The following SMOC2 variants were observed in gnomAD, a reference collection of about 807,000 sequenced individuals.
The protein encoded by SMOC2 is SPARC related modular calcium binding 2, also known as SPARC-related modular calcium-binding protein 2.
A neutral mutation model predicts 61.4 loss-of-function variants in SMOC2; 39 were observed. The observed-to-expected ratio is 0.64, with a 90% CI of 0.49 to 0.83. The LOEUF is 0.83. SMOC2 is among the 40% of genes least tolerant of loss of function. SMOC2 has a pLI of 0.00. For synonymous variants in SMOC2, 247 were observed against 239.9 expected (o/e 1.03, Z -0.27); for missense variants, 556 against 592.9 (o/e 0.94, Z 0.65).
rs762877929 is a variant in SMOC2, at chr6:168,664,181, T to C, written c.1323+70T>C. On this transcript the variant is annotated intron_variant, in intron 12 of 12. Transcript: ENST00000356284. ...TATAAACAATAAAAATTCAGAGTTA[T>C]GTAGATTTGCAATGGCCAGTACCTT... 6 of 1,314,076 alleles carry C rather than the reference T, an allele frequency of 4.6e-6. No homozygotes were observed. In the Admixed American group the frequency reaches 5.3e-5, roughly 12 times the overall value. 81.4% of individuals were successfully genotyped at this position (1,314,076 alleles called of 1,614,324 possible).
chr6:168,530,365 G>T (rs1266820195), intron 4 of SMOC2, among the ~76,000 whole-genome samples: 5 of 152,034 alleles, frequency 3.3e-5, no homozygotes, highest in South Asian at 2.1e-4. Context: ...TATTCTTAAA[G>T]CCATGAATGC....
In SMOC2 at chr6:168,545,334, G is replaced by T. The variant is rs942512574; in HGVS notation, c.511+1662G>T. ...GGAAAGAACACACCCCCCACTTTAG[G>T]CCGGAATACGCAGAGGGGATACCTG... On this transcript the variant is annotated intron_variant, in intron 5 of 12. Coordinates refer to ENST00000356284, the MANE Select transcript of SMOC2 (RefSeq NM_001166412.2). 4.6e-5 allele frequency among the ~76,000 whole-genome samples: 7 copies of T among 152,196 alleles called. No homozygotes were observed. The East Asian group carries it at 7.7e-4, about 17-fold the overall frequency.
chr6:168,623,723 G>A (rs12525350), intron 9 of SMOC2, among the ~76,000 whole-genome samples: 42,362 of 151,894 alleles, frequency 0.28, 6,102 homozygotes, highest in Admixed American at 0.39. Context: ...GATGCTGGGC[G>A]GAAGGATTGC....
intron 1 of SMOC2, among the ~76,000 whole-genome samples, chr6:168,474,616 C>T (rs981541907): frequency 2.8e-4 from 42 of 152,116 alleles, no homozygotes; most frequent in African/African-American, 8.4e-4. Flanking sequence ...CTGAAACCTC[C>T]GGAGACGTAT....
chr6:168,606,798 G>T (rs112670204), intron 8 of SMOC2, among the ~76,000 whole-genome samples: 1,613 of 152,136 alleles, frequency 0.011, 28 homozygotes, highest in African/African-American at 0.037. Context: ...CATTTTCCAA[G>T]GAGTCTTTCT....
At chr6:168,513,770 A>T (rs963642582) in intron 2 of SMOC2, among the ~76,000 whole-genome samples, 1 of 152,190 alleles carries the variant, frequency 6.6e-6, no homozygotes, top group Non-Finnish European at 1.5e-5. Context: ...TCGTCTCTTC[A>T]TTTGATTCAG....
chr6:168,629,981 T>G (rs60484814), intron 9 of SMOC2, among the ~76,000 whole-genome samples: 4,680 of 152,284 alleles, frequency 0.031, 266 homozygotes, highest in African/African-American at 0.11. Flanking sequence ...GAAGCACCAC[T>G]GTGCTGTGAG....
At chr6:168,563,299 GTA>G (rs1491046718) in intron 7 of SMOC2, among the ~76,000 whole-genome samples, 3 of 116,838 alleles carry the variant, frequency 2.6e-5, no homozygotes, top group African/African-American at 1.0e-4. Context: ...GTGTGTGTGT[GTA>G]TATATATGTG....
intron 2 of SMOC2, among the ~76,000 whole-genome samples, chr6:168,525,084 C>A (rs1288638268): frequency 6.6e-6 from 1 of 152,240 alleles, no homozygotes; most frequent in Non-Finnish European, 1.5e-5. Context: ...TCTCAAGATG[C>A]AGGCACTTGT....
intron 1 of SMOC2, among the ~76,000 whole-genome samples, chr6:168,497,986 T>G (rs1244109904): frequency 6.6e-6 from 1 of 152,188 alleles, no homozygotes; most frequent in Non-Finnish European, 1.5e-5. Flanking sequence ...TTTGTCGTAC[T>G]TTTAACTCAC....
chr6:168,465,655 T>C (rs993104617), intron 1 of SMOC2, among the ~76,000 whole-genome samples: 5 of 151,984 alleles, frequency 3.3e-5, no homozygotes, highest in Non-Finnish European at 5.9e-5. Context: ...CAGATGAAAC[T>C]GGGGAGCTCT....
At chr6:168,442,940 AG>A (rs1781250161) in intron 1 of SMOC2, among the ~76,000 whole-genome samples, 1 of 152,234 alleles carries the variant, frequency 6.6e-6, no homozygotes, top group Non-Finnish European at 1.5e-5. Context: ...GGGCCCTCAG[AG>A]GATACTCACT....
chr6:168,637,332 G>T (rs1786764692), intron 9 of SMOC2, among the ~76,000 whole-genome samples: 1 of 152,172 alleles, frequency 6.6e-6, no homozygotes, highest in Admixed American at 6.5e-5. Context: ...TGTGGGGAAG[G>T]TCATCACTGT....
At position 168,650,766 on chromosome 6, in the gene SMOC2, C is replaced by T; in HGVS notation, c.993C>T (p.Pro331=). The T allele has an allele frequency of 6.2e-7, 1 of 1,611,994 alleles. No individual in the cohort carries two copies. ...STDMVHAASD[P]SSSSGRLSEP... Reference sequence around the variant, plus strand: ...ACATGGTCCACGCCGCCTCCGACCCCTCCTCCTCGTCAGGCAGGTACGCTG... The same window carrying T: ...ACATGGTCCACGCCGCCTCCGACCCTTCCTCCTCGTCAGGCAGGTACGCTG... The change falls in exon 10 of 13, where the codon CCC becomes CCT. Residue 331 remains proline (P), a synonymous_variant. Transcript: ENST00000356284.
intron 1 of SMOC2, among the ~76,000 whole-genome samples, chr6:168,454,899 T>G (rs1042146641): frequency 2.6e-5 from 4 of 152,028 alleles, no homozygotes; most frequent in African/African-American, 9.7e-5. Flanking sequence ...CCGGGGTCCC[T>G]GTGGCCAGGG....
chr6:168,619,581 A>G (rs951545206), intron 9 of SMOC2, among the ~76,000 whole-genome samples: 10 of 152,244 alleles, frequency 6.6e-5, no homozygotes, highest in African/African-American at 1.9e-4. Flanking sequence ...TAACTGGCCT[A>G]CAGTGGTTAG....
intron 4 of SMOC2, among the ~76,000 whole-genome samples, chr6:168,543,116 A>G (rs566583085): frequency 3.9e-5 from 6 of 152,240 alleles, no homozygotes; most frequent in Non-Finnish European, 8.8e-5. Flanking sequence ...TTTCAGCATC[A>G]TATAAACATT....
At chr6:168,538,331 G>A (rs13199354) in intron 4 of SMOC2, among the ~76,000 whole-genome samples, 16,582 of 110,610 alleles carry the variant, frequency 0.15, 1,327 homozygotes, top group Non-Finnish European at 0.24. Flanking sequence ...GGGGAGTGGG[G>A]TGACCGCTGC....
intron 7 of SMOC2, among the ~76,000 whole-genome samples, chr6:168,569,877 A>G (rs1402762677): frequency 6.6e-6 from 1 of 152,158 alleles, no homozygotes; most frequent in East Asian, 1.9e-4. Flanking sequence ...TTTATCAATG[A>G]TTTCTTTCAT....
Sources: gnomAD v4.1 joint callset for allele counts (sites outside exome capture counted in the v4.1 genomes callset) on GRCh38, gnomAD v4.1.1 for gene constraint, MANE v1.5 for transcripts, NCBI Gene and HGNC (gene_info 2026-07-23, HGNC 2026-07-21) for gene names.